The following ABL1 variants were observed in gnomAD, a reference collection of about 807,000 sequenced individuals.
ABL1 encodes tyrosine-protein kinase ABL1.
ABL1 carries 11 observed loss-of-function variants against 94.7 expected under a neutral mutation model. The ratio of observed to expected loss-of-function variants is 0.12; its 90% CI spans 0.07 to 0.19. ABL1 has a LOEUF of 0.19. ABL1 is among the 10% of genes least tolerant of loss of function. The pLI, the probability that ABL1 is intolerant of heterozygous loss-of-function variation, is 1.00. For missense variants in ABL1, 1,082 were observed against 1,489.4 expected (o/e 0.73, Z 4.50); for synonymous variants, 656 against 622.4 (o/e 1.05, Z -0.80).
intron 1 of ABL1, among the ~76,000 whole-genome samples, chr9:130,846,010 C>G (rs958101264): frequency 2.6e-5 from 4 of 152,160 alleles, no homozygotes; most frequent in African/African-American, 9.7e-5. Flanking sequence ...CCCCTCCCTG[C>G]ACCCTAGCAG....
chr9:130,854,841 A>T lies in ABL1; in HGVS notation c.294A>T (p.Glu98Asp). The T allele has an allele frequency of 6.2e-7, 1 of 1,614,246 alleles. No homozygotes were observed. The highest frequency in any genetic ancestry group is 8.5e-7 in the Non-Finnish European group (1 of 1,180,042). Residue 98 changes from glutamate (E) to aspartate (D), a missense_variant, in exon 3 of 11, where the codon GAA becomes GAT. Physicochemically the swap from Glu to Asp is conservative, Grantham distance 45 (BLOSUM62 2). This residue lies in a region of ABL1 where 47 missense variants were observed against 142.2 expected (regional missense o/e 0.33). Coordinates refer to ENST00000318560, the MANE Select transcript of ABL1 (RefSeq NM_005157.6). The part of the protein sequence containing the change: ...LRVLGYNHNG[E>D]WCEAQTKNGQ... ...TCTTAGGCTATAATCACAATGGGGA[A>T]TGGTGTGAAGCCCAAACCAAAAATG... is the stretch of plus-strand genomic sequence containing the variant.
At chr9:130,751,129 C>CTTTTGTTTT (rs1831959985) in intron 1 of ABL1, among the ~76,000 whole-genome samples, 1 of 57,482 alleles carries the variant, frequency 1.7e-5, no homozygotes, top group African/African-American at 7.9e-5. Context: ...TTTTATTCAG[C>CTTTTGTTTT]TTTTTTTTTT....
At chr9:130,725,401 A>T (rs549704181) in intron 1 of ABL1, among the ~76,000 whole-genome samples, 2 of 152,124 alleles carry the variant, frequency 1.3e-5, no homozygotes, top group East Asian at 3.9e-4. Flanking sequence ...TGTTTTTGAG[A>T]CGGAGTTTTG....
chr9:130,835,352 C>CA lies in ABL1; in HGVS notation c.-95_-94insA. 4.6e-6 allele frequency: 2 copies of CA among 430,432 alleles called. No homozygotes were observed. Among genetic ancestry groups the CA allele is most frequent in the Non-Finnish European group, 5.1e-6 (2 of 391,904 alleles). The allele number at this position is 430,432 out of a possible 1,614,324, so 26.7% of individuals were successfully genotyped here. A position where few individuals can be genotyped will look rare whatever the true frequency, so the allele number is the denominator to read the frequency against. On this transcript the variant is annotated 5_prime_UTR_variant, in exon 1 of 11. Coordinates refer to ENST00000318560, the MANE Select transcript of ABL1 (RefSeq NM_005157.6). This position sits in a 1 kb window ranked among gnomAD's most constrained non-coding sequence, Gnocchi z 4.6. ...TGAGGGCGGCTGGCGGGGCCGGGGG[C>CA]GCCGGGGGGGCGCGCGGGCCGAGCC...
intron 1 of ABL1, among the ~76,000 whole-genome samples, chr9:130,822,889 C>G (rs891296481): frequency 6.6e-6 from 1 of 151,980 alleles, no homozygotes; most frequent in Non-Finnish European, 1.5e-5. Flanking sequence ...CCTCTGCCTC[C>G]TGGGTTCAAG....
At chr9:130,867,816 A>G (rs1040276766) in intron 4 of ABL1, among the ~76,000 whole-genome samples, 1 of 152,184 alleles carries the variant, frequency 6.6e-6, no homozygotes, top group African/African-American at 2.4e-5. Context: ...TCCTCTGGCC[A>G]GGGAGATGAG....
Position 130,885,861 on chromosome 9 carries a change from C to T in ABL1, c.*178C>T, listed in dbSNP as rs961368488. On this transcript the variant is annotated 3_prime_UTR_variant, in exon 11 of 11. Coordinates refer to ENST00000318560, the MANE Select transcript of ABL1 (RefSeq NM_005157.6). ...CCAGCTCTACTACCTACGTTTGCACCGCCTGCCCTCCCGCACCTTCCTCCT... is the reference window on the plus strand; with the variant it reads ...CCAGCTCTACTACCTACGTTTGCACTGCCTGCCCTCCCGCACCTTCCTCCT... The T allele has an allele frequency of 7.0e-5, 55 of 784,074 alleles. No homozygotes were observed. Among genetic ancestry groups the T allele is most frequent in the East Asian group, 1.1e-4 (4 of 36,344 alleles). The allele number at this position is 784,074 out of a possible 1,614,324, so 48.6% of individuals were successfully genotyped here.
At chr9:130,859,473 C>T (rs186504561) in intron 3 of ABL1, among the ~76,000 whole-genome samples, 5 of 151,622 alleles carry the variant, frequency 3.3e-5, no homozygotes, top group South Asian at 2.1e-4. Flanking sequence ...GGCTTTGGAC[C>T]GTTCTTGTGT....
chr9:130,724,932 G>T, intron 1 of ABL1: 2 of 352,906 alleles, frequency 5.7e-6, no homozygotes, highest in South Asian at 2.5e-5. Context: ...GCGCTTGGCG[G>T]GGTAGCCACA....
At chr9:130,749,855 T>C (rs1363916685) in intron 1 of ABL1, among the ~76,000 whole-genome samples, 1 of 152,118 alleles carries the variant, frequency 6.6e-6, no homozygotes, top group Non-Finnish European at 1.5e-5. Flanking sequence ...CTAATGCTTA[T>C]GGAAGATTTT....
chr9:130,716,897 T>C (rs1386050490), intron 1 of ABL1, among the ~76,000 whole-genome samples: 2 of 152,070 alleles, frequency 1.3e-5, no homozygotes, highest in Non-Finnish European at 1.5e-5. Context: ...ATTACAGGTG[T>C]GCACCACCAT....
At chr9:130,860,500 A>G (rs1831054118) in intron 3 of ABL1, among the ~76,000 whole-genome samples, 1 of 152,196 alleles carries the variant, frequency 6.6e-6, no homozygotes, top group Middle Eastern at 3.2e-3. Flanking sequence ...AGCCCTTAGC[A>G]TTCCACTTTG....
At chr9:130,776,559 A>G (rs993533920) in intron 1 of ABL1, among the ~76,000 whole-genome samples, 120 of 144,266 alleles carry the variant, frequency 8.3e-4, no homozygotes, top group Admixed American at 2.6e-3. Flanking sequence ...CCTGGGCGAC[A>G]AAGTGAGACT....
At position 130,885,269 on chromosome 9, in the gene ABL1, A is replaced by G; in HGVS notation, c.2979A>G (p.Ala993=). 6.2e-7 allele frequency: 1 copy of G among 1,613,772 alleles called. No homozygotes were observed. Among genetic ancestry groups the G allele is most frequent in the Non-Finnish European group, 8.5e-7 (1 of 1,180,008 alleles). ...TGCCATCAGCATCCTCGGCCCTGGC[A>G]GGGGACCAGCCGTCTTCCACCGCCT... ...STLPSASSAL[A]GDQPSSTAFI... Residue 993 remains alanine, a synonymous_variant, in exon 11 of 11, where the codon GCA becomes GCG. Coordinates refer to ENST00000318560, the MANE Select transcript of ABL1 (RefSeq NM_005157.6).
Position 130,884,901 on chromosome 9 carries a change from G to A in ABL1, c.2611G>A (p.Glu871Lys), listed in dbSNP as rs756787093. ...APGGTSKGPAEESRVRRHKHS... is the reference protein window; with the variant it reads ...APGGTSKGPAKESRVRRHKHS... ...AGGGGGCACCAGCAAGGGCCCCGCC[G>A]AGGAGTCCAGAGTGAGGAGGCACAA... is the stretch of plus-strand genomic sequence containing the variant. The change falls in exon 11 of 11, where the codon GAG becomes AAG. Residue 871 changes from glutamate to lysine, a missense_variant. Glu to Lys is a moderately conservative substitution (Grantham distance 56, BLOSUM62 1). Around this residue, in one of 7 missense-constraint regions of ABL1, gnomAD observed 780 missense variants for 835.8 expected, o/e 0.93. Coordinates refer to ENST00000318560, the MANE Select transcript of ABL1 (RefSeq NM_005157.6). The surrounding 1 kb of genome is among the most constrained non-coding windows in gnomAD (Gnocchi z 5.6). 2.8e-5 allele frequency: 45 copies of A among 1,610,026 alleles called. No homozygotes were observed. Among genetic ancestry groups the A allele is most frequent in the South Asian group, 5.5e-5 (5 of 90,694 alleles).
rs546196122 is a variant in ABL1 at position 130,727,621 on chromosome 9, G to A, written c.136+13166G>A. Among the ~76,000 whole-genome samples the A allele has an allele frequency of 2.0e-5, 3 of 151,836 alleles. No homozygotes were observed. The South Asian group carries it at 6.3e-4, about 32-fold the overall frequency. ...TACTAAAAATACAAAAATTAGCTGG[G>A]CTTGGTGGCAGCTGCCTATAGCTAC... is the stretch of plus-strand genomic sequence containing the variant. On this transcript the variant is annotated intron_variant, in intron 1 of 10. Coordinates refer to the ABL1 transcript ENST00000372348.
chr9:130,856,182 G>T (rs1375269210), intron 3 of ABL1, among the ~76,000 whole-genome samples: 3 of 152,154 alleles, frequency 2.0e-5, no homozygotes, highest in Non-Finnish European at 4.4e-5. Flanking sequence ...TCCACCTCCC[G>T]GGTTCAAGCA....
At chr9:130,844,579 T>A (rs1830731657) in intron 1 of ABL1, among the ~76,000 whole-genome samples, 1 of 152,002 alleles carries the variant, frequency 6.6e-6, no homozygotes, top group Admixed American at 6.6e-5. Context: ...GGCAGGCAGA[T>A]CACTTGAGGT....
chr9:130,716,072 C>CTTTTTTTT lies in ABL1; in HGVS notation c.136+1642_136+1649dup, dbSNP rs71389339. 4.2e-4 allele frequency among the ~76,000 whole-genome samples: 38 copies of CTTTTTTTT among 91,218 alleles called. 6 individuals carry two copies. The highest frequency in any genetic ancestry group is 8.2e-4 in the Non-Finnish European group (35 of 42,680). The allele number at this position is 91,218 out of a possible 152,430, so 59.8% of individuals were successfully genotyped here. On this transcript the variant is annotated intron_variant, in intron 1 of 10. Coordinates refer to the ABL1 transcript ENST00000372348. The stretch of plus-strand genomic sequence containing the variant: ...TATCCACTTTTCACTGAAAAATGTC[C>CTTTTTTTT]TTTTTTTTTTTTTTTTTTTTTTTTT...
Sources: allele counts gnomAD v4.1 joint callset (sites outside exome capture counted in the v4.1 genomes callset), GRCh38; gene constraint gnomAD v4.1.1; regional missense constraint gnomAD v4.1.1; non-coding constraint Gnocchi (gnomAD v3.1); transcripts MANE v1.5; gene names NCBI Gene and HGNC (gene_info 2026-07-23, HGNC 2026-07-21).